MYOCOS: variants seen among roughly 807,000 people sequenced by gnomAD.
The protein encoded by MYOCOS is myocilin opposite strand protein.
At chr1:171,605,761 G>A (rs1652232950) in intron 1 of MYOCOS, among the ~76,000 whole-genome samples, 1 of 152,058 alleles carries the variant, frequency 6.6e-6, no homozygotes, top group Middle Eastern at 3.4e-3. Flanking sequence ...TGCCACTTAG[G>A]CACAAGATGG....
chr1:171,605,396 A>ACACAC (rs1415539776), intron 1 of MYOCOS, among the ~76,000 whole-genome samples: 1,532 of 120,828 alleles, frequency 0.013, 22 homozygotes, highest in East Asian at 0.086. Context: ...CACACACACA[A>ACACAC]AAAAAAAAAA....
chr1:171,626,550 A>T lies in MYOCOS; in HGVS notation c.192A>T (p.Thr64=). Residue 64 remains threonine, a synonymous_variant, in exon 3 of 3, where the codon ACA becomes ACT. Transcript: ENST00000637642. ...CTCCCCCTCACAGGACCTACCTCAC[A>T]GTACCTCCTGCCCCACCTCCTTCTC... The part of the protein sequence containing the change: ...QAPPPHRTYL[T]VPPAPPPSPA... 1 of 398,676 alleles carries T rather than the reference A, an allele frequency of 2.5e-6. No individual in the cohort carries two copies. Among genetic ancestry groups the T allele is most frequent in the Non-Finnish European group, 4.4e-6 (1 of 226,082 alleles). The allele number at this position is 398,676 out of a possible 1,614,324, so 24.7% of individuals were successfully genotyped here.
chr1:171,622,681 G>T (rs1218077127), intron 1 of MYOCOS, among the ~76,000 whole-genome samples: 2 of 105,814 alleles, frequency 1.9e-5, no homozygotes, highest in African/African-American at 6.2e-5. Flanking sequence ...TCATGCTCTA[G>T]AATGGCAGTC....
chr1:171,606,209 A>T (rs2102932475), intron 1 of MYOCOS, among the ~76,000 whole-genome samples: 1 of 152,352 alleles, frequency 6.6e-6, no homozygotes, highest in Middle Eastern at 3.4e-3. Context: ...AAAAAGCTTC[A>T]TCGCTACCTT....
chr1:171,609,974 G>T (rs1374266226), intron 1 of MYOCOS, among the ~76,000 whole-genome samples: 1 of 152,180 alleles, frequency 6.6e-6, no homozygotes, highest in Admixed American at 6.6e-5. Flanking sequence ...CACTCACATG[G>T]TTGTTAGTAG....
At chr1:171,617,491 G>C (rs530973722), upstream of MYOCOS, among the ~76,000 whole-genome samples, 3 of 152,252 alleles carry the variant, frequency 2.0e-5, no homozygotes, top group East Asian at 3.9e-4. Flanking sequence ...GCGAGAGGGT[G>C]GTGACCTGGA....
chr1:171,612,869 TG>T (rs1163925331), intron 1 of MYOCOS, among the ~76,000 whole-genome samples: 1 of 152,086 alleles, frequency 6.6e-6, no homozygotes, highest in Non-Finnish European at 1.5e-5. Context: ...AAACCTATTG[TG>T]GGAGTACTAT....
At chr1:171,617,739 G>T (rs1298689244), upstream of MYOCOS, among the ~76,000 whole-genome samples, 1 of 152,194 alleles carries the variant, frequency 6.6e-6, no homozygotes, top group Non-Finnish European at 1.5e-5. Flanking sequence ...ACAAGAGAAG[G>T]TTTTAAGATG....
intron 2 of MYOCOS, among the ~76,000 whole-genome samples, chr1:171,624,620 G>T (rs1652656546): frequency 6.8e-6 from 1 of 146,918 alleles, no homozygotes; most frequent in Non-Finnish European, 1.5e-5. Context: ...GTGTGTGTGT[G>T]TGTTTTTTTT....
At chr1:171,618,530 C>T (rs1422199531), upstream of MYOCOS, among the ~76,000 whole-genome samples, 2 of 152,058 alleles carry the variant, frequency 1.3e-5, no homozygotes, top group East Asian at 1.9e-4. Flanking sequence ...GTCACCCATC[C>T]TATTCTTTCA....
upstream of MYOCOS, among the ~76,000 whole-genome samples, chr1:171,619,263 A>G (rs1191574917): frequency 6.6e-6 from 1 of 152,216 alleles, no homozygotes. Context: ...GTAAAGAAAT[A>G]GACTCTTTTA....
At chr1:171,609,945 G>C (rs1652325381) in intron 1 of MYOCOS, among the ~76,000 whole-genome samples, 1 of 152,190 alleles carries the variant, frequency 6.6e-6, no homozygotes. Flanking sequence ...TCAAATGAGA[G>C]AAAATTATTT....
chr1:171,613,325 G>A (rs1652386135), intron 1 of MYOCOS, among the ~76,000 whole-genome samples: 1 of 152,194 alleles, frequency 6.6e-6, no homozygotes, highest in Non-Finnish European at 1.5e-5. Flanking sequence ...GAAAACATGT[G>A]TTGCCTTACA....
chr1:171,620,773 C>T (rs200593209), upstream of MYOCOS, among the ~76,000 whole-genome samples: 1,836 of 127,156 alleles, frequency 0.014, 52 homozygotes, highest in African/African-American at 0.053. Flanking sequence ...CTTTTTCTTT[C>T]TTTTTTTTTT....
intron 1 of MYOCOS, among the ~76,000 whole-genome samples, chr1:171,608,241 A>C (rs999203985): frequency 1.3e-5 from 2 of 152,122 alleles, no homozygotes; most frequent in Non-Finnish European, 2.9e-5. Flanking sequence ...AAAGTTTATT[A>C]GGCCTGCCCT....
intron 1 of MYOCOS, 36 bp downstream of exon 1, chr1:171,622,368 A>C (rs1652594116): frequency 6.6e-6 from 1 of 152,182 alleles, no homozygotes; most frequent in South Asian, 2.1e-4. Context: ...TAAGGGCGCA[A>C]ATCAATCTTA....
At chr1:171,602,331 G>C (rs893691488) in intron 1 of MYOCOS, among the ~76,000 whole-genome samples, 3 of 152,138 alleles carry the variant, frequency 2.0e-5, no homozygotes, top group African/African-American at 7.2e-5. Context: ...TATGTGCAAA[G>C]TGTATAAGAA....
chr1:171,613,346 C>T (rs776530833), intron 1 of MYOCOS, among the ~76,000 whole-genome samples: 4 of 152,272 alleles, frequency 2.6e-5, no homozygotes, highest in South Asian at 2.1e-4. Flanking sequence ...AGGTAGAAGC[C>T]TCTGCAGCAT....
At chr1:171,601,342 A>G (rs1455647533) in intron 1 of MYOCOS, among the ~76,000 whole-genome samples, 2 of 152,020 alleles carry the variant, frequency 1.3e-5, no homozygotes, top group African/African-American at 2.4e-5. Context: ...TTTAGTTTTG[A>G]CTTGGCTTGA....
Sources: gnomAD v4.1 joint callset for allele counts (sites outside exome capture counted in the v4.1 genomes callset) on GRCh38, gnomAD v4.1.1 for gene constraint, MANE v1.5 for transcripts, NCBI Gene and HGNC (gene_info 2026-07-23, HGNC 2026-07-21) for gene names.